Variants in BIN1 observed in about 807,000 individuals in gnomAD.
The protein encoded by BIN1 is myc box-dependent-interacting protein 1.
In BIN1, 53 loss-of-function variants were observed where a neutral mutation model predicts 82.0. The ratio of observed to expected loss-of-function variants is 0.65; its 90% CI spans 0.52 to 0.81. BIN1 has a LOEUF of 0.81. BIN1 is among the 40% of genes least tolerant of loss of function. The probability of loss-of-function intolerance (pLI) is 0.00; values close to 1 mark genes in which losing one functional copy is unlikely to be tolerated. For missense variants in BIN1, 642 were observed against 784.4 expected, an observed-to-expected ratio of 0.82 and a Z score of 2.17; for synonymous variants, 302 against 328.0, an observed-to-expected ratio of 0.92 and a Z score of 0.86.
chr2:127,052,334 G>A lies in BIN1; in HGVS notation c.1292C>T (p.Pro431Leu), dbSNP rs141119288. 5.1e-4 allele frequency: 813 copies of A among 1,587,120 alleles called. 7 individuals are homozygous for A. In the East Asian group the frequency reaches 0.017, roughly 34 times the overall value. The change falls in exon 15 of 19, where the codon CCT becomes CTT. Residue 431 changes from proline (P) to leucine (L), a missense_variant. Transcript: ENST00000316724. ...EPTESPAGSL[P>L]SGEPSAAEGT... ...CTCGGCAGCGCTGGGCTCCCCGGAA[G>A]GCAGGCTGCCGGCTGGACTCTCTGT...
Position 127,068,517 on chromosome 2 carries a change from G to C in BIN1, c.520-262C>G, listed in dbSNP as rs990797439. 2.0e-5 allele frequency among the ~76,000 whole-genome samples: 3 copies of C among 152,134 alleles called. No individual in the cohort carries two copies. The highest frequency in any genetic ancestry group is 6.5e-5 in the Admixed American group (1 of 15,284). On this transcript the variant is annotated intron_variant, in intron 6 of 18. Coordinates refer to ENST00000316724, the MANE Select transcript of BIN1 (RefSeq NM_139343.3). The surrounding 1 kb of genome is among the most constrained non-coding windows in gnomAD (Gnocchi z 4.9). ...AAGCACGGCCCTGCCCGGAGGACGG[G>C]GCCACCCCAGCCCCTCACCAAAGGA...
In BIN1 at chr2:127,076,671, C is replaced by T. The variant is rs1406103191; in HGVS notation, c.120G>A (p.Lys40=). 1 of 1,614,148 alleles carries T rather than the reference C, an allele frequency of 6.2e-7. No homozygotes were observed. Among genetic ancestry groups the T allele is most frequent in the South Asian group, 1.1e-5 (1 of 91,080 alleles). The change falls in exon 2 of 19, where the codon AAG becomes AAA. Residue 40 remains lysine (K), a synonymous_variant. Transcript: ENST00000316724. Reference sequence around the variant, plus strand: ...GGACGCACTGCTCAAACTGCTCATCCTTGGTCTCATCTGCCTTCCCCAGCT... The same window carrying T: ...GGACGCACTGCTCAAACTGCTCATCTTTGGTCTCATCTGCCTTCCCCAGCT... ...LQKLGKADET[K]DEQFEQCVQN...
chr2:127,105,741 A>G (rs1186631169), intron 1 of BIN1, among the ~76,000 whole-genome samples: 3 of 152,096 alleles, frequency 2.0e-5, no homozygotes, highest in African/African-American at 7.2e-5. Flanking sequence ...TTGTTTATAA[A>G]CAGCCACCAG....
intron 1 of BIN1, chr2:127,081,999 C>T (rs1687356752): frequency 1.5e-6 from 1 of 666,400 alleles, no homozygotes; most frequent in South Asian, 6.6e-5. Context: ...GGCAGGCAGA[C>T]ACAGACAGAG....
chr2:127,077,303 T>A (rs1272848511), intron 1 of BIN1, among the ~76,000 whole-genome samples: 1 of 149,142 alleles, frequency 6.7e-6, no homozygotes, highest in East Asian at 1.9e-4. Context: ...CCAGGCACTC[T>A]GCTCTGCACA....
At chr2:127,085,543 G>A (rs1161101389) in intron 1 of BIN1, among the ~76,000 whole-genome samples, 1 of 152,170 alleles carries the variant, frequency 6.6e-6, no homozygotes, top group Non-Finnish European at 1.5e-5. Context: ...GGAAAGTGGA[G>A]GAACCACGAA....
At chr2:127,091,167 T>A (rs1678873963) in intron 1 of BIN1, among the ~76,000 whole-genome samples, 2 of 152,164 alleles carry the variant, frequency 1.3e-5, no homozygotes, top group Non-Finnish European at 2.9e-5. Context: ...AAGGAGTGAA[T>A]GCCCAGAGTC....
At chr2:127,053,526 C>A (rs1242308653) in intron 13 of BIN1, 81 bp from the exon 14 acceptor site, 3 of 1,544,168 alleles carry the variant, frequency 1.9e-6, no homozygotes, top group Non-Finnish European at 2.6e-6. Context: ...AGGGACCCTA[C>A]CCCCGCTCGC....
At chr2:127,089,217 A>G (rs1678587139) in intron 1 of BIN1, among the ~76,000 whole-genome samples, 1 of 152,128 alleles carries the variant, frequency 6.6e-6, no homozygotes, top group African/African-American at 2.4e-5. Flanking sequence ...AGGAGCTTTA[A>G]CCACTGCACA....
intron 1 of BIN1, among the ~76,000 whole-genome samples, chr2:127,086,087 T>C (rs1678118898): frequency 6.6e-6 from 1 of 152,198 alleles, no homozygotes; most frequent in Non-Finnish European, 1.5e-5. Flanking sequence ...ACATCACCCT[T>C]GAACCCCCTC....
rs1387290647 is a variant in BIN1 at position 127,090,694 on chromosome 2, T to TG, written c.85-13989dup. ...GCCCCAGCCAGGGCACAGCTGTGGG[T>TG]GGGGGGCGGTGGCAGCTCCCCAGCA... On this transcript the variant is annotated intron_variant, in intron 1 of 18. Transcript: ENST00000316724. This position sits in a 1 kb window ranked among gnomAD's most constrained non-coding sequence, Gnocchi z 6.4. Among the ~76,000 whole-genome samples the TG allele has an allele frequency of 2.0e-5, 3 of 151,720 alleles. No individual in the cohort carries two copies. The highest frequency in any genetic ancestry group is 7.3e-5 in the African/African-American group (3 of 41,280).
chr2:127,095,952 G>A (rs1478207601), intron 1 of BIN1, among the ~76,000 whole-genome samples: 1 of 152,180 alleles, frequency 6.6e-6, no homozygotes, highest in East Asian at 1.9e-4. Context: ...ACCTTGTTTT[G>A]CTGAGAGAGG....
intron 1 of BIN1, among the ~76,000 whole-genome samples, chr2:127,085,729 C>T (rs1163814196): frequency 6.6e-6 from 1 of 152,216 alleles, no homozygotes; most frequent in Non-Finnish European, 1.5e-5. Context: ...CCCCTCAGCT[C>T]ACACCCTCAG....
chr2:127,107,136 G>C lies in BIN1; in HGVS notation c.-193C>G. ...CGAGCGAGCCAGCGAGCTAGCCAGC[G>C]AGCGACGCGGGGACAGAGGGAGGGA... On this transcript the variant is annotated 5_prime_UTR_variant, in exon 1 of 19. Transcript: ENST00000316724. The surrounding 1 kb of genome is among the most constrained non-coding windows in gnomAD (Gnocchi z 5.9). 1 of 540,522 alleles carries C rather than the reference G, an allele frequency of 1.9e-6. No homozygotes were observed. Among genetic ancestry groups the C allele is most frequent in the South Asian group, 5.0e-5 (1 of 19,994 alleles). 33.5% of individuals were successfully genotyped at this position (540,522 alleles called of 1,614,324 possible).
chr2:127,052,322 G>C lies in BIN1; in HGVS notation c.1304C>G (p.Pro435Arg), dbSNP rs1301268141. Residue 435 changes from proline (P) to arginine (R), a missense_variant, in exon 15 of 19, where the codon CCC becomes CGC. Pro to Arg is a moderately radical substitution (Grantham distance 103). Transcript: ENST00000316724. ...SPAGSLPSGEPSAAEGTFAVS... is the reference protein window; with the variant it reads ...SPAGSLPSGERSAAEGTFAVS... ...AGCAAAGGTGCCCTCGGCAGCGCTG[G>C]GCTCCCCGGAAGGCAGGCTGCCGGC... 1 of 1,587,506 alleles carries C rather than the reference G, an allele frequency of 6.3e-7. No homozygotes were observed. Among genetic ancestry groups the C allele is most frequent in the Admixed American group, 1.8e-5 (1 of 56,580 alleles).
chr2:127,050,501 T>C lies in BIN1; in HGVS notation c.1594A>G (p.Thr532Ala). 6.2e-7 allele frequency: 1 copy of C among 1,614,186 alleles called. No homozygotes were observed. Among genetic ancestry groups the C allele is most frequent in the Non-Finnish European group, 8.5e-7 (1 of 1,180,018 alleles). Reference sequence around the variant, plus strand: ...TGCAGCTCGTCTGTGTCAGTGGCCGTGTAGTCGTGCTGGGCCTGTACCTGC... The same window carrying C: ...TGCAGCTCGTCTGTGTCAGTGGCCGCGTAGTCGTGCTGGGCCTGTACCTGC... The part of the protein sequence containing the change: ...MFKVQAQHDY[T>A]ATDTDELQLK... Residue 532 changes from threonine to alanine, a missense_variant, in exon 18 of 19, where the codon ACG (threonine) becomes GCG (alanine). By Grantham distance (58) the Thr-to-Ala change is moderately conservative. Transcript: ENST00000316724.
At chr2:127,056,516 C>T (rs1170733926) in intron 12 of BIN1, 1 of 152,612 alleles carries the variant, frequency 6.6e-6, no homozygotes, top group Non-Finnish European at 1.5e-5. Context: ...CCACTCCCCA[C>T]ACTCACACCC....
chr2:127,053,615 C>CTGAGAGGTGTCGGGAGCTCG, intron 13 of BIN1, 170 bp from the exon 14 acceptor site: 1 of 889,540 alleles, frequency 1.1e-6, no homozygotes, highest in Non-Finnish European at 1.8e-6. Flanking sequence ...GCCGAGCTCC[C>CTGAGAGGTGTCGGGAGCTCG]GACACCTCTC....
intron 13 of BIN1, 149 bp from the exon 14 acceptor site, chr2:127,053,594 ATT>A: frequency 9.2e-7 from 1 of 1,081,414 alleles, no homozygotes; most frequent in Non-Finnish European, 1.4e-6. Flanking sequence ...AGACTCCAAG[ATT>A]TGCAGGTGGC....
Sources: allele counts gnomAD v4.1 joint callset (sites outside exome capture counted in the v4.1 genomes callset), GRCh38; gene constraint gnomAD v4.1.1; non-coding constraint Gnocchi (gnomAD v3.1); transcripts MANE v1.5; gene names NCBI Gene and HGNC (gene_info 2026-07-23, HGNC 2026-07-21).